Variants in MBTD1 observed in about 807,000 individuals in gnomAD.
MBTD1 encodes the protein MBT domain-containing protein 1.
Under a neutral mutation model 87.8 loss-of-function variants are expected in MBTD1, and 24 were observed. The ratio of observed to expected loss-of-function variants is 0.27; its 90% CI spans 0.20 to 0.38. The LOEUF (loss-of-function observed/expected upper bound fraction) is 0.38. Ranked by LOEUF, MBTD1 falls within the 10% of genes least tolerant of loss-of-function variation. The pLI, the probability that MBTD1 is intolerant of heterozygous loss-of-function variation, is 1.00. For missense variants in MBTD1, 436 were observed against 760.2 expected (o/e 0.57, Z 5.02); for synonymous variants, 237 against 248.6 (o/e 0.95, Z 0.44).
intron 16 of MBTD1, among the ~76,000 whole-genome samples, chr17:51,191,066 A>C (rs2050784109): frequency 6.6e-6 from 1 of 151,982 alleles, no homozygotes; most frequent in African/African-American, 2.4e-5. Flanking sequence ...TTCCAGCCTG[A>C]GCAACAAAGT....
chr17:51,225,778 C>T (rs1211694707), intron 2 of MBTD1, among the ~76,000 whole-genome samples: 1 of 112,990 alleles, frequency 8.9e-6, no homozygotes, highest in African/African-American at 3.5e-5. Flanking sequence ...TGCCTATATT[C>T]CTAGCACTTT....
intron 7 of MBTD1, among the ~76,000 whole-genome samples, chr17:51,204,591 C>T (rs2051704491): frequency 7.2e-6 from 1 of 139,632 alleles, no homozygotes; most frequent in Non-Finnish European, 1.6e-5. Flanking sequence ...CAACCTCTGC[C>T]TCCTGGGTTC....
chr17:51,246,652 T>C (rs2144118687), intron 2 of MBTD1, among the ~76,000 whole-genome samples: 1 of 152,346 alleles, frequency 6.6e-6, no homozygotes, highest in South Asian at 2.1e-4. Context: ...AATTTGTTTT[T>C]TGAGACAGGG....
At position 51,179,502 on chromosome 17, in the gene MBTD1, A is replaced by ATATTTATATT. The variant is rs1479979538; in HGVS notation, c.*1073_*1074insAATATAAATA. On this transcript the variant is annotated 3_prime_UTR_variant, in exon 17 of 17. Coordinates refer to ENST00000586178, the MANE Select transcript of MBTD1 (RefSeq NM_017643.3). Reference sequence around the variant, plus strand: ...GACAATTTTATATATATATATATATATATATATATATATATATATATATAT... The same window carrying ATATTTATATT: ...GACAATTTTATATATATATATATATATATTTATATTTATATATATATATATATATATATAT... 1.0e-4 allele frequency: 7 copies of ATATTTATATT among 68,092 alleles called. No individual in the cohort carries two copies. The East Asian group carries it at 1.5e-3, about 15-fold the overall frequency. 4.2% of individuals were successfully genotyped at this position (68,092 alleles called of 1,614,324 possible). A position where few individuals can be genotyped will look rare whatever the true frequency, so the allele number is the denominator to read the frequency against.
chr17:51,233,905 G>C (rs2053677325), intron 2 of MBTD1, among the ~76,000 whole-genome samples: 1 of 151,878 alleles, frequency 6.6e-6, no homozygotes, highest in Admixed American at 6.6e-5. Flanking sequence ...ATTGCCTTCA[G>C]ATTTCTAAAA....
chr17:51,234,596 A>G (rs557358355), intron 2 of MBTD1, among the ~76,000 whole-genome samples: 1 of 152,298 alleles, frequency 6.6e-6, no homozygotes, highest in African/African-American at 2.4e-5. Flanking sequence ...TACTGAAAAA[A>G]CTAAATTTGT....
At chr17:51,210,219 G>A (rs558265054) in intron 6 of MBTD1, among the ~76,000 whole-genome samples, 2 of 152,104 alleles carry the variant, frequency 1.3e-5, no homozygotes, top group South Asian at 4.2e-4. Context: ...TCTAACTTGT[G>A]ACCTCAGACG....
intron 3 of MBTD1, among the ~76,000 whole-genome samples, chr17:51,221,784 G>A (rs2052907977): frequency 6.6e-6 from 1 of 152,156 alleles, no homozygotes; most frequent in South Asian, 2.1e-4. Flanking sequence ...GTATATGGAA[G>A]GATGTGCGTA....
chr17:51,195,186 A>C (rs908122297), intron 13 of MBTD1, 28 bp downstream of exon 13: 1 of 1,592,072 alleles, frequency 6.3e-7, no homozygotes, highest in Non-Finnish European at 8.5e-7. Context: ...AACAATTAAA[A>C]CCCAGTGTTT....
chr17:51,219,808 A>T (rs950019997), intron 4 of MBTD1, among the ~76,000 whole-genome samples: 45 of 152,234 alleles, frequency 3.0e-4, no homozygotes, highest in Admixed American at 5.9e-4. Context: ...TTTTGTAGGC[A>T]CTGATGTACA....
chr17:51,238,141 T>C (rs1299332431), intron 2 of MBTD1, among the ~76,000 whole-genome samples: 6 of 152,118 alleles, frequency 3.9e-5, no homozygotes, highest in Non-Finnish European at 5.9e-5. Flanking sequence ...AGGAAACTTT[T>C]AGAGATGAGG....
rs2050904715 is a variant in MBTD1 at position 51,193,363 on chromosome 17, A to T, written c.1455+65T>A. Reference sequence around the variant, plus strand: ...AATACAAGGCAAAGACATTTTTATGAACATAAATTGTATTTGTGGGGCATT... The same window carrying T: ...AATACAAGGCAAAGACATTTTTATGTACATAAATTGTATTTGTGGGGCATT... On this transcript the variant is annotated intron_variant, in intron 14 of 16. Coordinates refer to ENST00000586178, the MANE Select transcript of MBTD1 (RefSeq NM_017643.3). The T allele has an allele frequency of 3.7e-6, 4 of 1,085,818 alleles. No homozygotes were observed. In the Admixed American group the frequency reaches 8.4e-5, roughly 23 times the overall value. 67.3% of individuals were successfully genotyped at this position (1,085,818 alleles called of 1,614,324 possible).
intron 2 of MBTD1, among the ~76,000 whole-genome samples, chr17:51,228,701 T>C (rs1459074851): frequency 6.6e-6 from 1 of 150,610 alleles, no homozygotes; most frequent in East Asian, 2.0e-4. Context: ...GAGACCAGCC[T>C]GGCCAATATG....
intron 2 of MBTD1, among the ~76,000 whole-genome samples, chr17:51,229,417 C>A (rs2143797256): frequency 1.3e-5 from 2 of 152,022 alleles, no homozygotes; most frequent in East Asian, 3.9e-4. Context: ...TGACCAGTAA[C>A]AAGGCTGAAA....
At chr17:51,208,260 C>G (rs1598336328) in intron 6 of MBTD1, among the ~76,000 whole-genome samples, 1 of 152,326 alleles carries the variant, frequency 6.6e-6, no homozygotes, top group South Asian at 2.1e-4. Context: ...TTAATGGCTA[C>G]TGGTTTAAGT....
intron 2 of MBTD1, chr17:51,251,593 C>T (rs2144209474): frequency 6.6e-6 from 1 of 152,234 alleles, no homozygotes; most frequent in East Asian, 1.9e-4. Context: ...GTAAATTTGT[C>T]AAGCCTTCCC....
intron 2 of MBTD1, among the ~76,000 whole-genome samples, chr17:51,233,107 T>C (rs901511801): frequency 8.0e-6 from 1 of 124,684 alleles, no homozygotes; most frequent in African/African-American, 2.9e-5. Context: ...AGAGAGAACA[T>C]GAATTCACAG....
At position 51,194,628 on chromosome 17, in the gene MBTD1, C is replaced by T. The variant is rs565749030; in HGVS notation, c.1372+586G>A. ...CTAAGTGTGGTGGTTCACTCCTAATCCCAGCACTTTGGGGAGGCTGAGGTG... is the reference window on the plus strand; with the variant it reads ...CTAAGTGTGGTGGTTCACTCCTAATTCCAGCACTTTGGGGAGGCTGAGGTG... On this transcript the variant is annotated intron_variant, in intron 13 of 16. Transcript: ENST00000586178. 3.6e-5 allele frequency among the ~76,000 whole-genome samples: 5 copies of T among 138,852 alleles called. No homozygotes were observed. In the East Asian group the frequency reaches 1.0e-3, roughly 29 times the overall value. The allele number at this position is 138,852 out of a possible 152,430, so 91.1% of individuals were successfully genotyped here. A position where few individuals can be genotyped will look rare whatever the true frequency, so the allele number is the denominator to read the frequency against.
chr17:51,187,866 G>GA (rs71149350), intron 16 of MBTD1, among the ~76,000 whole-genome samples: 61,391 of 117,938 alleles, frequency 0.52, 13,537 homozygotes, highest in Admixed American at 0.55. Context: ...AAGAAAGAAA[G>GA]AAAAAAAAAA....
Sources: gnomAD v4.1 joint callset for allele counts (sites outside exome capture counted in the v4.1 genomes callset) on GRCh38, gnomAD v4.1.1 for gene constraint, MANE v1.5 for transcripts, NCBI Gene and HGNC (gene_info 2026-07-23, HGNC 2026-07-21) for gene names.